NCAM1: variants seen among roughly 807,000 people sequenced by gnomAD.
NCAM1 encodes the protein neural cell adhesion molecule 1, also known as antigen recognized by monoclonal antibody 5.1H11.
A neutral mutation model predicts 109.8 loss-of-function variants in NCAM1; 14 were observed. The ratio of observed to expected loss-of-function variants is 0.13; its 90% CI spans 0.08 to 0.20. NCAM1 has a LOEUF of 0.20. NCAM1 is among the 10% of genes least tolerant of loss of function. NCAM1 has a pLI of 1.00. For synonymous variants in NCAM1, 418 were observed against 442.9 expected, an observed-to-expected ratio of 0.94 and a Z score of 0.70; for missense variants, 774 against 1,109.9, an observed-to-expected ratio of 0.70 and a Z score of 4.30.
intron 1 of NCAM1, among the ~76,000 whole-genome samples, chr11:113,041,472 G>A (rs1953069331): frequency 6.6e-6 from 1 of 151,730 alleles, no homozygotes; most frequent in Admixed American, 6.6e-5. Context: ...TAGCATGCTG[G>A]TATATAGTCT....
chr11:113,200,295 CGGGAAGTGACA>C (rs1477799210), intron 1 of NCAM1, among the ~76,000 whole-genome samples: 1 of 152,158 alleles, frequency 6.6e-6, no homozygotes, highest in Middle Eastern at 3.2e-3. Flanking sequence ...ATGAGAGCCA[CGGGAAGTGACA>C]GGGAAGGTCC....
rs187501278 is a variant in NCAM1, at chr11:113,211,115, T to C, written c.916+3113T>C. 2.3e-3 allele frequency among the ~76,000 whole-genome samples: 353 copies of C among 152,238 alleles called. 10 individuals carry two copies. The highest frequency in any genetic ancestry group is 0.022 in the South Asian group (105 of 4,810). On this transcript the variant is annotated intron_variant, in intron 7 of 19. Transcript: ENST00000316851. ...TTCCCATTGGTTGAGGAAACTGATA[T>C]AGGGTTAGGGAGCCACCTGGGGAGG...
chr11:113,240,019 T>C (rs1426926650), intron 14 of NCAM1, among the ~76,000 whole-genome samples: 2 of 152,246 alleles, frequency 1.3e-5, no homozygotes, highest in East Asian at 1.9e-4. Flanking sequence ...AGTGTCCCAG[T>C]ATCTCAGATG....
chr11:113,260,543 G>A (rs915601018), intron 17 of NCAM1, among the ~76,000 whole-genome samples: 2 of 152,168 alleles, frequency 1.3e-5, no homozygotes, highest in Non-Finnish European at 2.9e-5. Context: ...TGGAGAAAAG[G>A]TCCTGTCCCA....
At chr11:113,205,931 TA>T in intron 4 of NCAM1, 111 bp from the exon 5 acceptor site, 1 of 1,384,060 alleles carries the variant, frequency 7.2e-7, no homozygotes, top group Non-Finnish European at 1.0e-6. Flanking sequence ...TATTTGGGCT[TA>T]AAACCCCACC....
At chr11:113,123,284 T>A (rs1555096434) in intron 1 of NCAM1, among the ~76,000 whole-genome samples, 2 of 152,230 alleles carry the variant, frequency 1.3e-5, no homozygotes, top group African/African-American at 4.8e-5. Context: ...GTTTGATCAT[T>A]ACATATTGTA....
At chr11:113,173,627 T>TATATATATATATATATATATATATATATA (rs1555106599) in intron 1 of NCAM1, among the ~76,000 whole-genome samples, 24 of 137,764 alleles carry the variant, frequency 1.7e-4, no homozygotes, top group Non-Finnish European at 3.3e-4. Flanking sequence ...TATATATATA[T>TATATATATATATATATATATATATATATA]TTTAGAGGGT....
At chr11:113,019,608 C>G (rs781796270) in intron 1 of NCAM1, among the ~76,000 whole-genome samples, 1 of 152,210 alleles carries the variant, frequency 6.6e-6, no homozygotes, top group Non-Finnish European at 1.5e-5. Context: ...TGGGCCATCT[C>G]TGCCACTTCT....
intron 8 of NCAM1, 95 bp from the exon 9 acceptor site, chr11:113,221,201 C>A (rs782480862): frequency 8.1e-7 from 1 of 1,231,870 alleles, no homozygotes; most frequent in Non-Finnish European, 1.1e-6. Context: ...AGAAAAGCTG[C>A]ATGTGCACGG....
At chr11:113,266,192 G>C (rs546214303) in intron 17 of NCAM1, among the ~76,000 whole-genome samples, 1 of 152,212 alleles carries the variant, frequency 6.6e-6, no homozygotes, top group Admixed American at 6.5e-5. Context: ...TGTTCTTCTA[G>C]TTATCTTGGA....
At chr11:113,028,094 G>T (rs1182197934) in intron 1 of NCAM1, among the ~76,000 whole-genome samples, 1 of 152,152 alleles carries the variant, frequency 6.6e-6, no homozygotes, top group Admixed American at 6.6e-5. Context: ...TATATAGGAA[G>T]AATAGTTTTG....
At chr11:113,183,001 G>T (rs1461227837) in intron 1 of NCAM1, among the ~76,000 whole-genome samples, 2 of 152,198 alleles carry the variant, frequency 1.3e-5, no homozygotes, top group Non-Finnish European at 2.9e-5. Context: ...TTGACAAATT[G>T]TCAGTTGGGC....
intron 1 of NCAM1, among the ~76,000 whole-genome samples, chr11:113,100,857 G>T (rs1939845416): frequency 6.6e-6 from 1 of 152,242 alleles, no homozygotes; most frequent in Admixed American, 6.5e-5. Context: ...TTTTGCGAAG[G>T]AACTGCCCTC....
At chr11:113,150,879 G>T (rs1044978518) in intron 1 of NCAM1, among the ~76,000 whole-genome samples, 4 of 152,146 alleles carry the variant, frequency 2.6e-5, no homozygotes, top group Non-Finnish European at 5.9e-5. Context: ...AAGGAGGAAG[G>T]GATGATCAAA....
chr11:113,180,813 C>G (rs138834535), intron 1 of NCAM1, among the ~76,000 whole-genome samples: 20 of 152,312 alleles, frequency 1.3e-4, no homozygotes, highest in African/African-American at 4.8e-4. Flanking sequence ...ATTTACTTAA[C>G]CTCTCTAAGC....
At chr11:113,196,818 C>T (rs1943869102) in intron 1 of NCAM1, among the ~76,000 whole-genome samples, 1 of 152,178 alleles carries the variant, frequency 6.6e-6, no homozygotes. Flanking sequence ...GGTGAAGAGA[C>T]CCTTTATTTT....
At chr11:113,125,866 T>C (rs893882363) in intron 1 of NCAM1, among the ~76,000 whole-genome samples, 9 of 151,982 alleles carry the variant, frequency 5.9e-5, no homozygotes, top group Non-Finnish European at 5.9e-5. Context: ...AAAATAATAA[T>C]AAAACCTGGC....
intron 1 of NCAM1, among the ~76,000 whole-genome samples, chr11:113,035,816 T>C (rs1236763045): frequency 6.6e-6 from 1 of 152,238 alleles, no homozygotes; most frequent in Admixed American, 6.5e-5. Flanking sequence ...TCTTAACATC[T>C]GTCTTTCCAA....
rs541222857 is a variant in NCAM1 at position 112,994,941 on chromosome 11, G to T, written c.52+33277G>T. Among the ~76,000 whole-genome samples, 59 of 152,222 alleles carry T rather than the reference G, an allele frequency of 3.9e-4. 1 individual carries two copies. Among genetic ancestry groups the T allele is most frequent in the East Asian group, 9.7e-4 (5 of 5,172 alleles). On this transcript the variant is annotated intron_variant, in intron 1 of 19. Coordinates refer to ENST00000316851, the MANE Select transcript of NCAM1 (RefSeq NM_181351.5). Reference sequence around the variant, plus strand: ...AGGTATTGGAGACTTGGTGAGAAAAGAAATAAACTCATGTGCTCTGTCACC... The same window carrying T: ...AGGTATTGGAGACTTGGTGAGAAAATAAATAAACTCATGTGCTCTGTCACC...
Sources: gnomAD v4.1 joint callset for allele counts (sites outside exome capture counted in the v4.1 genomes callset) on GRCh38, gnomAD v4.1.1 for gene constraint, MANE v1.5 for transcripts, NCBI Gene and HGNC (gene_info 2026-07-23, HGNC 2026-07-21) for gene names.